Variants in PHACTR1 observed in about 807,000 individuals in gnomAD.
PHACTR1 encodes the protein phosphatase and actin regulator 1, also known as RPEL repeat containing 1.
A neutral mutation model predicts 69.2 loss-of-function variants in PHACTR1; 16 were observed. The observed-to-expected ratio is 0.23, with a 90% CI of 0.16 to 0.35. PHACTR1 has a LOEUF of 0.35. Ranked by LOEUF, PHACTR1 falls within the 10% of genes least tolerant of loss-of-function variation. PHACTR1 has a pLI of 1.00. For synonymous variants in PHACTR1, 312 were observed against 284.5 expected (o/e 1.10, Z -0.97); for missense variants, 510 against 734.7 (o/e 0.69, Z 3.54).
rs56305254 is a variant in PHACTR1 at position 13,193,357 on chromosome 6, GTATATATATATATATATATA to G, written c.664+10680_664+10699del. Among the ~76,000 whole-genome samples, 44 of 68,162 alleles carry G rather than the reference GTATATATATATATATATATA, an allele frequency of 6.5e-4. 1 individual carries two copies. The highest frequency in any genetic ancestry group is 1.4e-3 in the Non-Finnish European group (41 of 29,356). 44.7% of individuals were successfully genotyped at this position (68,162 alleles called of 152,430 possible). ...ATTCTACCTCTTAATAGCTCTCTGT[GTATATATATATATATATATA>G]TATATATAGTTTTGGGGAGTGTATG... On this transcript the variant is annotated intron_variant, in intron 7 of 14. Transcript: ENST00000332995.
At chr6:12,954,722 C>T (rs1455551125) in intron 4 of PHACTR1, among the ~76,000 whole-genome samples, 2 of 152,218 alleles carry the variant, frequency 1.3e-5, no homozygotes, top group Non-Finnish European at 2.9e-5. Flanking sequence ...AATACTATTT[C>T]AATTCCAGGC....
At chr6:13,109,585 G>A (rs1185660774) in intron 5 of PHACTR1, among the ~76,000 whole-genome samples, 1 of 151,900 alleles carries the variant, frequency 6.6e-6, no homozygotes, top group African/African-American at 2.4e-5. Flanking sequence ...ATTTGGAATA[G>A]TTTGATTAAG....
chr6:12,978,201 C>G (rs929601097), intron 4 of PHACTR1, among the ~76,000 whole-genome samples: 3 of 152,342 alleles, frequency 2.0e-5, no homozygotes, highest in East Asian at 3.9e-4. Context: ...CCATCTCCCA[C>G]TGGCCGCCAG....
chr6:13,248,345 C>G (rs1345303570), intron 10 of PHACTR1, among the ~76,000 whole-genome samples: 1 of 152,160 alleles, frequency 6.6e-6, no homozygotes, highest in African/African-American at 2.4e-5. Context: ...CAAAACAAAA[C>G]AATGAAAAAC....
chr6:13,163,024 C>T (rs58512292), intron 6 of PHACTR1, among the ~76,000 whole-genome samples: 3,859 of 152,182 alleles, frequency 0.025, 170 homozygotes, highest in African/African-American at 0.089. Flanking sequence ...GGCGGTGGAT[C>T]GCTTGAGGTC....
chr6:12,804,850 A>T (rs892502105), intron 4 of PHACTR1, among the ~76,000 whole-genome samples: 1 of 152,222 alleles, frequency 6.6e-6, no homozygotes, highest in African/African-American at 2.4e-5. Context: ...AATAGACCTC[A>T]ACTGAGCATA....
intron 4 of PHACTR1, among the ~76,000 whole-genome samples, chr6:12,984,716 G>T (rs1403403026): frequency 1.3e-5 from 2 of 152,136 alleles, no homozygotes; most frequent in Non-Finnish European, 2.9e-5. Context: ...ATAATTTTGG[G>T]ATCATTACTG....
At chr6:13,064,661 G>C (rs1209165314) in intron 5 of PHACTR1, among the ~76,000 whole-genome samples, 1 of 132,748 alleles carries the variant, frequency 7.5e-6, no homozygotes, top group Admixed American at 8.0e-5. Flanking sequence ...CACCAGACCG[G>C]GAAGCAACAG....
At chr6:12,786,837 T>G (rs759749243) in intron 4 of PHACTR1, among the ~76,000 whole-genome samples, 103 of 152,250 alleles carry the variant, frequency 6.8e-4, no homozygotes, top group Admixed American at 1.6e-3. Context: ...ATATTCCATC[T>G]ATAAAATTAC....
chr6:13,286,571 GAAC>G lies in PHACTR1; in HGVS notation c.1727+352_1727+354del, dbSNP rs576593811. On this transcript the variant is annotated intron_variant, in intron 14 of 14. Transcript: ENST00000332995. ...CAACCAGTCAGCAGAGGCCAAACCTGAACAAAATACCACATCCACACGGGACTT... is the reference window on the plus strand; with the variant it reads ...CAACCAGTCAGCAGAGGCCAAACCTGAAAATACCACATCCACACGGGACTT... Among the ~76,000 whole-genome samples the G allele has an allele frequency of 2.2e-3, 338 of 152,326 alleles. 1 individual carries two copies. The highest frequency in any genetic ancestry group is 0.02 in the Middle Eastern group (6 of 294).
rs187080149 is a variant in PHACTR1 at position 12,934,001 on chromosome 6, C to T, written c.251-119364C>T. On this transcript the variant is annotated intron_variant, in intron 4 of 14. Transcript: ENST00000332995. ...GTACCACAAACTACATGACATAAAA[C>T]AATATCAATTTGCTCTCTGATGGTT... The T allele has an allele frequency of 3.7e-3, 5,524 of 1,495,660 alleles. 15 individuals carry two copies. The highest frequency in any genetic ancestry group is 4.5e-3 in the Non-Finnish European group (5,069 of 1,120,956). The allele number at this position is 1,495,660 out of a possible 1,614,324, so 92.6% of individuals were successfully genotyped here.
At chr6:12,945,126 A>G (rs1790533743) in intron 4 of PHACTR1, among the ~76,000 whole-genome samples, 1 of 152,158 alleles carries the variant, frequency 6.6e-6, no homozygotes, top group African/African-American at 2.4e-5. Flanking sequence ...TAGCAGCTTC[A>G]TACGAGCAGT....
chr6:12,825,885 C>T (rs775074138), intron 4 of PHACTR1, among the ~76,000 whole-genome samples: 4 of 151,986 alleles, frequency 2.6e-5, no homozygotes, highest in Non-Finnish European at 5.9e-5. Context: ...AGGAGATAAA[C>T]ATTACAAATA....
intron 4 of PHACTR1, among the ~76,000 whole-genome samples, chr6:12,756,709 A>C (rs1767367300): frequency 6.6e-6 from 1 of 152,242 alleles, no homozygotes; most frequent in East Asian, 1.9e-4. Context: ...CTTGGGCTGT[A>C]ACTGTAGATG....
intron 4 of PHACTR1, among the ~76,000 whole-genome samples, chr6:12,783,951 C>CATATACATGATGAT (rs1771150480): frequency 6.6e-6 from 1 of 152,138 alleles, no homozygotes; most frequent in Non-Finnish European, 1.5e-5. Flanking sequence ...TGCACTCACA[C>CATATACATGATGAT]ATATACATGA....
At chr6:12,979,420 T>C (rs942314252) in intron 4 of PHACTR1, among the ~76,000 whole-genome samples, 1 of 152,150 alleles carries the variant, frequency 6.6e-6, no homozygotes, top group African/African-American at 2.4e-5. Flanking sequence ...ACAGTGCACA[T>C]GTAGCTATGA....
At chr6:13,161,585 C>A (rs1011145849) in intron 6 of PHACTR1, among the ~76,000 whole-genome samples, 1 of 152,030 alleles carries the variant, frequency 6.6e-6, no homozygotes, top group South Asian at 2.1e-4. Context: ...TGTAATCTGC[C>A]GACGCAGTCC....
chr6:12,982,822 G>A (rs1303831258), intron 4 of PHACTR1, among the ~76,000 whole-genome samples: 1 of 152,108 alleles, frequency 6.6e-6, no homozygotes, highest in Non-Finnish European at 1.5e-5. Flanking sequence ...TCCATCCAGT[G>A]GATAAGTTCC....
At chr6:13,236,074 A>G (rs1384269122) in intron 10 of PHACTR1, among the ~76,000 whole-genome samples, 1 of 150,426 alleles carries the variant, frequency 6.6e-6, no homozygotes, top group African/African-American at 2.5e-5. Flanking sequence ...CCTCCTACTC[A>G]GGAATGAACT....
Sources: allele counts gnomAD v4.1 joint callset (sites outside exome capture counted in the v4.1 genomes callset), GRCh38; gene constraint gnomAD v4.1.1; transcripts MANE v1.5; gene names NCBI Gene and HGNC (gene_info 2026-07-23, HGNC 2026-07-21).